The following NOVA2 variants were observed in gnomAD, a reference collection of about 807,000 sequenced individuals.
NOVA2 encodes the protein NOVA alternative splicing regulator 2, also known as RNA-binding protein Nova-2.
A neutral mutation model predicts 22.5 loss-of-function variants in NOVA2; 9 were observed. The observed-to-expected ratio is 0.40, with a 90% confidence interval of 0.24 to 0.70. NOVA2 has a LOEUF of 0.70. NOVA2 is among the 30% of genes least tolerant of loss of function. The pLI, the probability that NOVA2 is intolerant of heterozygous loss-of-function variation, is 0.38. For synonymous variants in NOVA2, 318 were observed against 335.2 expected, an observed-to-expected ratio of 0.95 and a Z score of 0.56; for missense variants, 383 against 682.8, an observed-to-expected ratio of 0.56 and a Z score of 4.89.
rs781569043 is a variant in NOVA2 at position 45,953,913 on chromosome 19, G to C, written c.263C>G (p.Thr88Arg). 1 of 1,614,008 alleles carries C rather than the reference G, an allele frequency of 6.2e-7. No homozygotes were observed. Among genetic ancestry groups the C allele is most frequent in the Non-Finnish European group, 8.5e-7 (1 of 1,180,024 alleles). The change falls in exon 3 of 4, where the codon ACG (threonine) becomes AGG (arginine). Residue 88 changes from threonine to arginine, a missense_variant. Physicochemically the swap from Thr to Arg is moderately conservative, Grantham distance 71 (BLOSUM62 -1). Around this residue, in one of 2 missense-constraint regions of NOVA2, gnomAD observed 349 missense variants for 578.1 expected, o/e 0.60. Transcript: ENST00000263257. Reference protein sequence around the residue: ...TTERVCLVQGTAEALNAVHSF... With the variant: ...TTERVCLVQGRAEALNAVHSF... ...GTGCACAGCATTCAAGGCCTCTGCC[G>C]TGCCCTGTACTAGGCATACCCGCTC...
intron 3 of NOVA2, among the ~76,000 whole-genome samples, chr19:45,942,663 C>T (rs780746062): frequency 2.0e-5 from 3 of 152,034 alleles, no homozygotes; most frequent in Admixed American, 6.6e-5. Flanking sequence ...ATTCCTGGGA[C>T]GGGAACTCTC....
intron 3 of NOVA2, among the ~76,000 whole-genome samples, chr19:45,946,433 C>T (rs1967839269): frequency 6.6e-6 from 1 of 152,154 alleles, no homozygotes; most frequent in Non-Finnish European, 1.5e-5. Context: ...TATTTTAGGG[C>T]AATTTGAATA....
At position 45,939,681 on chromosome 19, in the gene NOVA2, C is replaced by A. The variant is rs1967713240; in HGVS notation, c.*182G>T. 1 of 746,502 alleles carries A rather than the reference C, an allele frequency of 1.3e-6. No homozygotes were observed. The highest frequency in any genetic ancestry group is 2.8e-5 in the East Asian group (1 of 36,254). 46.2% of individuals were successfully genotyped at this position (746,502 alleles called of 1,614,324 possible). A position where few individuals can be genotyped will look rare whatever the true frequency, so the allele number is the denominator to read the frequency against. Reference sequence around the variant, plus strand: ...GGGGAGGGGGCTTCTGAGCCCCCTTCCCAACCGTCACTCAATCCTGCCTAT... The same window carrying A: ...GGGGAGGGGGCTTCTGAGCCCCCTTACCAACCGTCACTCAATCCTGCCTAT... On this transcript the variant is annotated 3_prime_UTR_variant, in exon 4 of 4. Coordinates refer to ENST00000263257, the MANE Select transcript of NOVA2 (RefSeq NM_002516.4).
intron 3 of NOVA2, among the ~76,000 whole-genome samples, chr19:45,949,929 T>C (rs1301139617): frequency 1.3e-5 from 2 of 151,786 alleles, no homozygotes; most frequent in African/African-American, 2.4e-5. Context: ...TTAGTAGAGA[T>C]GGGGTTTCAC....
At chr19:45,962,210 G>C (rs969360360) in intron 1 of NOVA2, 1 of 154,142 alleles carries the variant, frequency 6.5e-6, no homozygotes, top group African/African-American at 2.4e-5. Flanking sequence ...GGTCTGACAG[G>C]TGGAAGCGGT....
rs1382316942 is a variant in NOVA2, at chr19:45,936,241, G to C, written c.*3622C>G. ...GGCTAGCAGAGGAGGAGTTGAGCTT[G>C]TCTCCTCCTCCCCAGTTTCCATAGA... is the stretch of plus-strand genomic sequence containing the variant. On this transcript the variant is annotated 3_prime_UTR_variant, in exon 4 of 4. Transcript: ENST00000263257. 1 of 152,240 alleles carries C rather than the reference G, an allele frequency of 6.6e-6. No individual in the cohort carries two copies. The highest frequency in any genetic ancestry group is 1.5e-5 in the Non-Finnish European group (1 of 68,036). The allele number at this position is 152,240 out of a possible 1,614,324, so 9.4% of individuals were successfully genotyped here.
At chr19:45,961,267 A>G in intron 1 of NOVA2, 114 bp from the exon 2 acceptor site, 1 of 645,306 alleles carries the variant, frequency 1.5e-6, no homozygotes, top group Non-Finnish European at 2.7e-6. Context: ...AATAATACAA[A>G]TAATGATCTT....
chr19:45,940,631 C>T lies in NOVA2; in HGVS notation c.711G>A (p.Val237=), dbSNP rs1325313305. 2 of 1,482,490 alleles carry T rather than the reference C, an allele frequency of 1.3e-6. No homozygotes were observed. Among genetic ancestry groups the T allele is most frequent in the Non-Finnish European group, 1.8e-6 (2 of 1,128,212 alleles). The allele number at this position is 1,482,490 out of a possible 1,614,324, so 91.8% of individuals were successfully genotyped here. Residue 237 remains valine, a synonymous_variant, in exon 4 of 4, where the codon GTG becomes GTA. Coordinates refer to ENST00000263257, the MANE Select transcript of NOVA2 (RefSeq NM_002516.4). ...TGSPYASPAD[V]LPAAAAASAA... ...CCGACGCTGCGGCCGCGGCTGGCAG[C>T]ACATCCGCGGGGCTGGCGTACGGAG...
chr19:45,958,553 G>A (rs927324572), intron 2 of NOVA2, among the ~76,000 whole-genome samples: 14 of 150,878 alleles, frequency 9.3e-5, no homozygotes, highest in East Asian at 3.9e-4. Flanking sequence ...GTGTGTAAGC[G>A]TGTGTGTGGG....
intron 1 of NOVA2, chr19:45,967,383 C>G (rs1025590382): frequency 1.3e-5 from 2 of 152,114 alleles, no homozygotes; most frequent in African/African-American, 4.8e-5. Flanking sequence ...TTTGAACAAC[C>G]AAGGCACTGC....
Position 45,938,930 on chromosome 19 carries a change from G to A in NOVA2, c.*933C>T, listed in dbSNP as rs1437292826. ...AGTGACCTTCAAGGAAGAACTCATT[G>A]AGACATCACAGGAAGTACCTGCTCC... On this transcript the variant is annotated 3_prime_UTR_variant, in exon 4 of 4. Coordinates refer to ENST00000263257, the MANE Select transcript of NOVA2 (RefSeq NM_002516.4). The A allele has an allele frequency of 6.6e-6, 1 of 152,192 alleles. No individual in the cohort carries two copies. The highest frequency in any genetic ancestry group is 1.5e-5 in the Non-Finnish European group (1 of 68,042). The allele number at this position is 152,192 out of a possible 1,614,324, so 9.4% of individuals were successfully genotyped here.
rs776265750 is a variant in NOVA2, at chr19:45,953,875, C to G, written c.301G>C (p.Glu101Gln). The change falls in exon 3 of 4, where the codon GAG (glutamate) becomes CAG (glutamine). Residue 101 changes from glutamate to glutamine, a missense_variant. Physicochemically the swap from Glu to Gln is conservative, Grantham distance 29. This residue lies in a region of NOVA2 where 349 missense variants were observed against 578.1 expected (regional missense o/e 0.60). Transcript: ENST00000263257. Reference protein sequence around the residue: ...ALNAVHSFIAEKVREIPQAMT... With the variant: ...ALNAVHSFIAQKVREIPQAMT... ...GCTTGTGGGATTTCTCGGACCTTCT[C>G]GGCAATAAAGCTGTGCACAGCATTC... 2 of 1,614,182 alleles carry G rather than the reference C, an allele frequency of 1.2e-6. No individual in the cohort carries two copies. The highest frequency in any genetic ancestry group is 1.1e-5 in the South Asian group (1 of 91,074).
In NOVA2 at chr19:45,940,316, G is replaced by A; in HGVS notation, c.1026C>T (p.Ala342=). The A allele has an allele frequency of 8.7e-7, 1 of 1,155,708 alleles. No homozygotes were observed. The highest frequency in any genetic ancestry group is 1.1e-6 in the Non-Finnish European group (1 of 942,260). The allele number at this position is 1,155,708 out of a possible 1,614,324, so 71.6% of individuals were successfully genotyped here. A position where few individuals can be genotyped will look rare whatever the true frequency, so the allele number is the denominator to read the frequency against. ...CGGGAGGCGGGGGCGGCGGCGGGGC[G>A]GCCCCTCCGGCTGGCCCGGCCCCGG... The part of the protein sequence containing the change: ...GEAGAGPAGG[A]APPPPPPPGA... The change falls in exon 4 of 4, where the codon GCC becomes GCT. Residue 342 remains alanine (A), a synonymous_variant. Transcript: ENST00000263257.
At chr19:45,947,598 C>T (rs1227989519) in intron 3 of NOVA2, among the ~76,000 whole-genome samples, 2 of 151,980 alleles carry the variant, frequency 1.3e-5, no homozygotes, top group African/African-American at 2.4e-5. Context: ...CTCAGCCTCC[C>T]GAGTAGCTAG....
At chr19:45,972,083 A>T (rs1968239629) in intron 1 of NOVA2, among the ~76,000 whole-genome samples, 1 of 151,754 alleles carries the variant, frequency 6.6e-6, no homozygotes, top group East Asian at 1.9e-4. Context: ...ACACTCAGCC[A>T]TTTCACACAC....
At chr19:45,951,971 C>A (rs1417006133) in intron 3 of NOVA2, among the ~76,000 whole-genome samples, 1 of 152,142 alleles carries the variant, frequency 6.6e-6, no homozygotes, top group Admixed American at 6.5e-5. Flanking sequence ...AGATGGCATA[C>A]CCTCTCCAGA....
chr19:45,949,746 T>G (rs1260397923), intron 3 of NOVA2, among the ~76,000 whole-genome samples: 6 of 151,434 alleles, frequency 4.0e-5, no homozygotes, highest in Non-Finnish European at 7.4e-5. Context: ...GTTGTTTTTT[T>G]TTTTTTTTTT....
chr19:45,962,541 G>A (rs1389236104), intron 1 of NOVA2: 4 of 152,604 alleles, frequency 2.6e-5, no homozygotes, highest in African/African-American at 9.6e-5. Context: ...CCAACACGAT[G>A]AAGGACAGCC....
At chr19:45,970,027 C>A (rs1485054751) in intron 1 of NOVA2, among the ~76,000 whole-genome samples, 2 of 152,170 alleles carry the variant, frequency 1.3e-5, no homozygotes, top group Non-Finnish European at 2.9e-5. Context: ...AAATAGGGTC[C>A]ATTCTAGTGT....
Sources: allele counts gnomAD v4.1 joint callset (sites outside exome capture counted in the v4.1 genomes callset), GRCh38; gene constraint gnomAD v4.1.1; regional missense constraint gnomAD v4.1.1; transcripts MANE v1.5; gene names NCBI Gene and HGNC (gene_info 2026-07-23, HGNC 2026-07-21).